Variants in MRPS2 observed in about 807,000 individuals in gnomAD.
MRPS2 encodes the protein mitochondrial ribosomal protein S2, also known as small ribosomal subunit protein uS2m.
A neutral mutation model predicts 18.9 loss-of-function variants in MRPS2; 13 were observed. The ratio of observed to expected loss-of-function variants is 0.69; its 90% CI spans 0.45 to 1.09. The LOEUF (loss-of-function observed/expected upper bound fraction) is 1.09. Ranked by LOEUF, MRPS2 falls within the 50% of genes least tolerant of loss-of-function variation. The pLI, the probability that MRPS2 is intolerant of heterozygous loss-of-function variation, is 0.00. For synonymous variants in MRPS2, 186 were observed against 178.4 expected, an observed-to-expected ratio of 1.04 and a Z score of -0.34; for missense variants, 389 against 421.7, an observed-to-expected ratio of 0.92 and a Z score of 0.68.
At chr9:135,500,101 C>G, upstream of MRPS2, 1 of 504,532 alleles carries the variant, frequency 2.0e-6, no homozygotes, top group Non-Finnish European at 3.5e-6. Flanking sequence ...ACCGGGCCAC[C>G]CCAGCATCAG....
At chr9:135,503,188 A>C in intron 3 of MRPS2, 1 of 1,097,316 alleles carries the variant, frequency 9.1e-7, no homozygotes, top group Non-Finnish European at 1.1e-6. Context: ...AGCCTCGGGA[A>C]GAGGACAGTG....
Position 135,501,016 on chromosome 9 carries a change from G to A in MRPS2, c.62G>A (p.Arg21His), listed in dbSNP as rs976707629. The part of the protein sequence containing the change: ...ILGAGARAPS[R>H]WLGFLGKATP... ...CCCCCAGGTGCCCGGGCCCCGTCGC[G>A]CTGGTTGGGCTTTCTCGGGAAGGCG... is the stretch of plus-strand genomic sequence containing the variant. Residue 21 changes from arginine (R) to histidine (H), a missense_variant, in exon 2 of 4, where the codon CGC becomes CAC. Coordinates refer to ENST00000241600, the MANE Select transcript of MRPS2 (RefSeq NM_016034.5). 2 of 1,611,688 alleles carry A rather than the reference G, an allele frequency of 1.2e-6. No homozygotes were observed. The highest frequency in any genetic ancestry group is 1.1e-5 in the South Asian group (1 of 91,000).
Position 135,501,091 on chromosome 9 carries a change from C to T in MRPS2, c.137C>T (p.Ala46Val). Residue 46 changes from alanine to valine, a missense_variant, in exon 2 of 4, where the codon GCC (alanine) becomes GTC (valine). Ala to Val is a moderately conservative substitution (Grantham distance 64). Transcript: ENST00000241600. The part of the protein sequence containing the change: ...PSRRTLGSAT[A>V]LMIRESEDST... ...CGCAGGACGCTTGGAAGCGCGACGG[C>T]CCTTATGATCCGCGAGTCGGAGGAC... 1 of 1,606,396 alleles carries T rather than the reference C, an allele frequency of 6.2e-7. No individual in the cohort carries two copies. The highest frequency in any genetic ancestry group is 8.5e-7 in the Non-Finnish European group (1 of 1,177,562).
intron 2 of MRPS2, 83 bp from the exon 3 acceptor site, chr9:135,501,761 G>T: frequency 6.4e-7 from 1 of 1,567,072 alleles, no homozygotes; most frequent in Non-Finnish European, 8.6e-7. Flanking sequence ...GCACTTGGGA[G>T]CAGGGGTGGG....
intron 2 of MRPS2, 38 bp downstream of exon 2, chr9:135,501,161 G>A (rs1831116390): frequency 6.5e-7 from 1 of 1,547,336 alleles, no homozygotes. Flanking sequence ...GTGGGAACGA[G>A]GAGAGGCCGG....
intron 2 of MRPS2, chr9:135,501,585 A>G: frequency 8.4e-7 from 1 of 1,191,726 alleles, no homozygotes; most frequent in Non-Finnish European, 1.1e-6. Flanking sequence ...CTGTCTTCCA[A>G]GTAAGACCAA....
Position 135,502,107 on chromosome 9 carries a change from A to G in MRPS2, c.299+134A>G. ...CAGCCCCATCCTCCTCCACATGGGA[A>G]TACAGAGCCCCACAGAGAAGCAGGA... is the stretch of plus-strand genomic sequence containing the variant. On this transcript the variant is annotated intron_variant, in intron 3 of 3. Transcript: ENST00000241600. 3.4e-6 allele frequency: 5 copies of G among 1,487,536 alleles called. No individual in the cohort carries two copies. In the South Asian group the frequency reaches 6.7e-5, roughly 20 times the overall value. The allele number at this position is 1,487,536 out of a possible 1,614,324, so 92.1% of individuals were successfully genotyped here. A position where few individuals can be genotyped will look rare whatever the true frequency, so the allele number is the denominator to read the frequency against.
chr9:135,502,089 ATCC>A, intron 3 of MRPS2, 116 bp downstream of exon 3: 1 of 1,526,200 alleles, frequency 6.6e-7, no homozygotes, highest in Non-Finnish European at 8.8e-7. Context: ...TTACAGCCCC[ATCC>A]TCCTCCACAT....
intron 3 of MRPS2, 30 bp downstream of exon 3, chr9:135,502,003 C>T (rs1355622782): frequency 2.5e-6 from 4 of 1,612,300 alleles, no homozygotes; most frequent in East Asian, 2.2e-5. Context: ...GAGCCCGGGG[C>T]GGTTCCCAGG....
rs1412926185 is a variant in MRPS2, at chr9:135,501,007, C to G, written c.53C>G (p.Ala18Gly). Reference sequence around the variant, plus strand: ...ATCTACTTCCCCCCAGGTGCCCGGGCCCCGTCGCGCTGGTTGGGCTTTCTC... The same window carrying G: ...ATCTACTTCCCCCCAGGTGCCCGGGGCCCGTCGCGCTGGTTGGGCTTTCTC... ...LPRILGAGAR[A>G]PSRWLGFLGK... Residue 18 changes from alanine to glycine, a missense_variant, in exon 2 of 4, where the codon GCC becomes GGC. Transcript: ENST00000241600. 1 of 1,611,804 alleles carries G rather than the reference C, an allele frequency of 6.2e-7. No individual in the cohort carries two copies. The highest frequency in any genetic ancestry group is 1.3e-5 in the African/African-American group (1 of 74,882).
rs988558902 is a variant in MRPS2, at chr9:135,504,076, G to T, written c.834G>T (p.Glu278Asp). ...EALYRLQGQK[E>D]PGDQGPAHPP... is the part of the protein sequence containing the mutation. ...TCTATCGCCTGCAGGGCCAGAAGGA[G>T]CCCGGGGACCAGGGGCCAGCCCACC... Residue 278 changes from glutamate to aspartate, a missense_variant, in exon 4 of 4, where the codon GAG becomes GAT. Transcript: ENST00000241600. This position sits in a 1 kb window ranked among gnomAD's most constrained non-coding sequence, Gnocchi z 4.3. 3 of 1,612,482 alleles carry T rather than the reference G, an allele frequency of 1.9e-6. No homozygotes were observed. The highest frequency in any genetic ancestry group is 2.5e-6 in the Non-Finnish European group (3 of 1,180,004).
chr9:135,501,113 G>A lies in MRPS2; in HGVS notation c.159G>A (p.Glu53=). Residue 53 remains glutamate (E), a synonymous_variant, in exon 2 of 4, where the codon GAG becomes GAA. Coordinates refer to ENST00000241600, the MANE Select transcript of MRPS2 (RefSeq NM_016034.5). ...SATALMIRES[E]DSTDFNDKIL... ...CGGCCCTTATGATCCGCGAGTCGGA[G>A]GACAGCACCGGTAACACTGGGCGCC... The A allele has an allele frequency of 6.3e-7, 1 of 1,596,468 alleles. No homozygotes were observed. The highest frequency in any genetic ancestry group is 8.5e-7 in the Non-Finnish European group (1 of 1,174,258).
upstream of MRPS2, chr9:135,500,540 C>A: frequency 1.6e-6 from 1 of 629,478 alleles, no homozygotes; most frequent in Non-Finnish European, 2.5e-6. Context: ...GACCCCGGGC[C>A]CTGACCCCTC....
intron 1 of MRPS2, 112 bp from the exon 2 acceptor site, chr9:135,500,886 G>A: frequency 6.4e-7 from 1 of 1,551,540 alleles, no homozygotes; most frequent in Non-Finnish European, 8.8e-7. Context: ...GAGGGCGCGG[G>A]GACGCGGAGG....
At position 135,502,163 on chromosome 9, in the gene MRPS2, T is replaced by C. The variant is rs552804454; in HGVS notation, c.299+190T>C. ...TTCCTCAGCTTGGCGGACGCTCTTGTGTGCCTTGGTGTGGCGCTCACAGCC... is the reference window on the plus strand; with the variant it reads ...TTCCTCAGCTTGGCGGACGCTCTTGCGTGCCTTGGTGTGGCGCTCACAGCC... On this transcript the variant is annotated intron_variant, in intron 3 of 3. Coordinates refer to ENST00000241600, the MANE Select transcript of MRPS2 (RefSeq NM_016034.5). The C allele has an allele frequency of 6.7e-4, 932 of 1,392,606 alleles. 6 individuals carry two copies. The highest frequency in any genetic ancestry group is 2.6e-4 in the Non-Finnish European group (278 of 1,071,100). The allele number at this position is 1,392,606 out of a possible 1,614,324, so 86.3% of individuals were successfully genotyped here.
chr9:135,500,768 G>C lies in MRPS2; in HGVS notation c.43+15G>C. 19 of 1,475,102 alleles carry C rather than the reference G, an allele frequency of 1.3e-5. No homozygotes were observed. Among genetic ancestry groups the C allele is most frequent in the Non-Finnish European group, 1.6e-5 (18 of 1,119,568 alleles). The allele number at this position is 1,475,102 out of a possible 1,614,324, so 91.4% of individuals were successfully genotyped here. On this transcript the variant is annotated intron_variant, in intron 1 of 3. Transcript: ENST00000241600. ...ACTCGGCGCGGGTGAGCGCGCGCTT[G>C]CGGGACCCTGGGGAGGAGCATGCGA...
chr9:135,503,640 C>T lies in MRPS2; in HGVS notation c.398C>T (p.Ala133Val), dbSNP rs1831205115. The change falls in exon 4 of 4, where the codon GCC becomes GTC. Residue 133 changes from alanine to valine, a missense_variant. Ala to Val is a moderately conservative substitution (Grantham distance 64, BLOSUM62 0). Coordinates refer to ENST00000241600, the MANE Select transcript of MRPS2 (RefSeq NM_016034.5). ...CTCCAGCTGGCCTTGAACTTCACCG[C>T]CCACATGGCCTACCGCAAGGGCATC... is the stretch of plus-strand genomic sequence containing the variant. ...THLQLALNFT[A>V]HMAYRKGIIL... The T allele has an allele frequency of 6.2e-7, 1 of 1,613,760 alleles. No individual in the cohort carries two copies. The highest frequency in any genetic ancestry group is 1.1e-5 in the South Asian group (1 of 91,092).
chr9:135,500,286 G>A (rs897583081), upstream of MRPS2: 5 of 280,718 alleles, frequency 1.8e-5, no homozygotes, highest in Non-Finnish European at 3.3e-5. Flanking sequence ...CCCGAGATCT[G>A]GCTAACTTTA....
At chr9:135,503,323 G>A in intron 3 of MRPS2, 1 of 1,420,704 alleles carries the variant, frequency 7.0e-7, no homozygotes, top group Non-Finnish European at 9.2e-7. Flanking sequence ...GAGGGTAGGA[G>A]GGGTTAAGCC....
Sources: allele counts gnomAD v4.1 joint callset, GRCh38; gene constraint gnomAD v4.1.1; non-coding constraint Gnocchi (gnomAD v3.1); transcripts MANE v1.5; gene names NCBI Gene and HGNC (gene_info 2026-07-23, HGNC 2026-07-21).